The following ECHDC1 variants were observed in gnomAD, a reference collection of about 807,000 sequenced individuals.
ECHDC1 encodes ethylmalonyl-CoA decarboxylase 1.
A neutral mutation model predicts 29.7 loss-of-function variants in ECHDC1; 29 were observed. The ratio of observed to expected loss-of-function variants is 0.98; its 90% CI spans 0.73 to 1.33. The LOEUF is 1.33. Ranked by LOEUF, ECHDC1 falls within the 40% of genes most tolerant of loss-of-function variation. The pLI is 0.00. For synonymous variants in ECHDC1, 126 were observed against 123.1 expected (o/e 1.02, Z -0.15); for missense variants, 328 against 350.0 (o/e 0.94, Z 0.50).
intron 3 of ECHDC1, among the ~76,000 whole-genome samples, chr6:127,321,092 T>C (rs1303025309): frequency 1.3e-5 from 2 of 152,138 alleles, no homozygotes; most frequent in Admixed American, 6.6e-5. Flanking sequence ...ATTTTTATGA[T>C]AAAAAAGCCA....
At chr6:127,340,371 C>T (rs1281909125) in intron 1 of ECHDC1, among the ~76,000 whole-genome samples, 1 of 152,108 alleles carries the variant, frequency 6.6e-6, no homozygotes, top group Non-Finnish European at 1.5e-5. Flanking sequence ...TTGCTTTCTC[C>T]CTCTCTCCCT....
chr6:127,310,222 A>G (rs867855583), intron 5 of ECHDC1, among the ~76,000 whole-genome samples: 2 of 152,182 alleles, frequency 1.3e-5, no homozygotes, highest in Non-Finnish European at 2.9e-5. Context: ...TATACATTTA[A>G]AAACAACTAA....
intron 3 of ECHDC1, among the ~76,000 whole-genome samples, chr6:127,319,464 T>G (rs1046399422): frequency 6.6e-6 from 1 of 152,206 alleles, no homozygotes; most frequent in Non-Finnish European, 1.5e-5. Context: ...ATAATGAGTA[T>G]GTTTTGGTTT....
At chr6:127,333,864 T>C (rs937829178) in intron 1 of ECHDC1, among the ~76,000 whole-genome samples, 2 of 152,172 alleles carry the variant, frequency 1.3e-5, no homozygotes, top group Admixed American at 1.3e-4. Flanking sequence ...CTTTGTTTTT[T>C]CTATTTTAGG....
At chr6:127,327,645 T>C (rs987766102) in intron 2 of ECHDC1, among the ~76,000 whole-genome samples, 1 of 152,266 alleles carries the variant, frequency 6.6e-6, no homozygotes, top group South Asian at 2.1e-4. Context: ...TATAATAGGA[T>C]GTTAATTGAG....
At chr6:127,337,597 C>G (rs910885153) in intron 1 of ECHDC1, among the ~76,000 whole-genome samples, 80 of 152,254 alleles carry the variant, frequency 5.3e-4, no homozygotes, top group African/African-American at 1.9e-3. Flanking sequence ...AAGTTGTACC[C>G]CAGCCACCTT....
chr6:127,293,798 A>G (rs1338864473), intron 5 of ECHDC1, among the ~76,000 whole-genome samples: 1 of 152,190 alleles, frequency 6.6e-6, no homozygotes. Flanking sequence ...GTCCGTAAAA[A>G]TAACAGTAGT....
chr6:127,313,440 T>A (rs370551497), intron 5 of ECHDC1: 7 of 357,784 alleles, frequency 2.0e-5, no homozygotes, highest in East Asian at 1.5e-4. Context: ...TGACCTCAGG[T>A]GATCTGCCTA....
intron 1 of ECHDC1, chr6:127,342,268 G>A: frequency 7.2e-7 from 1 of 1,385,882 alleles, no homozygotes; most frequent in Non-Finnish European, 9.7e-7. Flanking sequence ...AGTGCCTAAA[G>A]ATAATATTCT....
chr6:127,320,093 C>T (rs1340618179), intron 3 of ECHDC1, among the ~76,000 whole-genome samples: 1 of 152,174 alleles, frequency 6.6e-6, no homozygotes, highest in Non-Finnish European at 1.5e-5. Flanking sequence ...TCTTGGCTCA[C>T]TGCAACCTCC....
intron 3 of ECHDC1, 99 bp from the exon 4 acceptor site, chr6:127,316,601 T>A (rs1782402963): frequency 2.1e-6 from 2 of 940,530 alleles, no homozygotes; most frequent in African/African-American, 1.7e-5. Flanking sequence ...GCCAAAAATA[T>A]GTCTTTTTTA....
intron 4 of ECHDC1, chr6:127,315,237 A>C (rs1782268171): frequency 4.4e-6 from 2 of 452,512 alleles, no homozygotes; most frequent in Non-Finnish European, 8.5e-6. Context: ...ACTTCTCAGC[A>C]GCTGGCTCTT....
In ECHDC1 at chr6:127,290,118, G is replaced by A; in HGVS notation, c.657C>T (p.Asn219=). Residue 219 remains asparagine (N), a synonymous_variant, in exon 6 of 6, where the codon AAC becomes AAT. Transcript: ENST00000454859. The stretch of plus-strand genomic sequence containing the variant: ...GCAAGACCTCTTCAACCATTCCTAT[G>A]TTTAGAGCATTTTTTGAATCCAGTT... ...ALKLDSKNAL[N]IGMVEEVLQS... 2 of 1,613,654 alleles carry A rather than the reference G, an allele frequency of 1.2e-6. No homozygotes were observed. Among genetic ancestry groups the A allele is most frequent in the Non-Finnish European group, 1.7e-6 (2 of 1,179,748 alleles).
At chr6:127,321,342 G>A (rs1782808414) in intron 3 of ECHDC1, among the ~76,000 whole-genome samples, 1 of 152,278 alleles carries the variant, frequency 6.6e-6, no homozygotes, top group South Asian at 2.1e-4. Context: ...GCCATGAGGG[G>A]TAGATGCATT....
At position 127,326,982 on chromosome 6, in the gene ECHDC1, A is replaced by G. The variant is rs1783402891; in HGVS notation, c.363+20T>C. On this transcript the variant is annotated intron_variant, in intron 3 of 5. Coordinates refer to ENST00000454859, the MANE Select transcript of ECHDC1 (RefSeq NM_001002030.2). ...CTAATAAACATGTAGAATCAAATGC[A>G]TAATTCATATAACACTTGCCTCTGG... 4 of 1,607,648 alleles carry G rather than the reference A, an allele frequency of 2.5e-6. No homozygotes were observed. Among genetic ancestry groups the G allele is most frequent in the African/African-American group, 2.7e-5 (2 of 74,858 alleles).
intron 5 of ECHDC1, among the ~76,000 whole-genome samples, chr6:127,309,840 G>A (rs1483203416): frequency 6.6e-6 from 1 of 152,210 alleles, no homozygotes; most frequent in African/African-American, 2.4e-5. Context: ...CAGAGCAGGA[G>A]AGAAAGAGCG....
chr6:127,289,755 G>T lies in ECHDC1; in HGVS notation c.*114C>A. The T allele has an allele frequency of 9.5e-7, 1 of 1,054,104 alleles. No homozygotes were observed. The highest frequency in any genetic ancestry group is 1.3e-6 in the Non-Finnish European group (1 of 746,350). 65.3% of individuals were successfully genotyped at this position (1,054,104 alleles called of 1,614,324 possible). A position where few individuals can be genotyped will look rare whatever the true frequency, so the allele number is the denominator to read the frequency against. ...TATTCAAATGATTAAAAGTAAGTCT[G>T]CATATTAATAGTAGCCTTCAAAGTA... On this transcript the variant is annotated 3_prime_UTR_variant, in exon 6 of 6. Transcript: ENST00000454859.
intron 1 of ECHDC1, 81 bp from the exon 2 acceptor site, chr6:127,331,111 T>A: frequency 9.7e-7 from 1 of 1,027,170 alleles, no homozygotes; most frequent in Non-Finnish European, 1.4e-6. Flanking sequence ...TAGGCTGTAG[T>A]AATGGACCCT....
intron 5 of ECHDC1, among the ~76,000 whole-genome samples, chr6:127,304,386 C>G (rs530041846): frequency 3.9e-4 from 59 of 152,274 alleles, no homozygotes; most frequent in African/African-American, 1.4e-3. Context: ...ATCACAACAC[C>G]TACGTCCTTC....
Sources: allele counts gnomAD v4.1 joint callset (sites outside exome capture counted in the v4.1 genomes callset), GRCh38; gene constraint gnomAD v4.1.1; transcripts MANE v1.5; gene names NCBI Gene and HGNC (gene_info 2026-07-23, HGNC 2026-07-21).